The following SLC12A7 variants were observed in gnomAD, a reference collection of about 807,000 sequenced individuals.
The protein encoded by SLC12A7 is solute carrier family 12 member 7.
A neutral mutation model predicts 120.6 loss-of-function variants in SLC12A7; 100 were observed. That is an observed-to-expected ratio of 0.83 (90% CI 0.71 to 0.98). SLC12A7 has a LOEUF of 0.98. Among genes scored for constraint, SLC12A7 ranks in the 50% least tolerant of loss-of-function variants. SLC12A7 has a pLI of 0.00. For missense variants in SLC12A7, 1,373 were observed against 1,548.1 expected, an observed-to-expected ratio of 0.89 and a Z score of 1.90; for synonymous variants, 760 against 678.0, an observed-to-expected ratio of 1.12 and a Z score of -1.88.
chr5:1,085,762 C>T (rs1040255256), intron 6 of SLC12A7, among the ~76,000 whole-genome samples: 2 of 152,178 alleles, frequency 1.3e-5, no homozygotes, highest in African/African-American at 4.8e-5. Context: ...GGGGCCTGAA[C>T]GTTTCCCAGG....
chr5:1,105,353 AG>A (rs1484125440), intron 1 of SLC12A7, among the ~76,000 whole-genome samples: 6 of 148,052 alleles, frequency 4.1e-5, no homozygotes, highest in African/African-American at 1.0e-4. Flanking sequence ...CACCAGCCAA[AG>A]GGGACCCTCC....
rs563487524 is a variant in SLC12A7 at position 1,067,065 on chromosome 5, A to G, written c.2242-1587T>C. Among the ~76,000 whole-genome samples, 3 of 151,852 alleles carry G rather than the reference A, an allele frequency of 2.0e-5. No individual in the cohort carries two copies. The South Asian group carries it at 6.3e-4, about 32-fold the overall frequency. On this transcript the variant is annotated intron_variant, in intron 17 of 23. Coordinates refer to ENST00000264930, the MANE Select transcript of SLC12A7 (RefSeq NM_006598.3). ...GAGCTCCACCAGCCCTTCACACACAAAACAACATCCAATGTTCTCCCACGG... is the reference window on the plus strand; with the variant it reads ...GAGCTCCACCAGCCCTTCACACACAGAACAACATCCAATGTTCTCCCACGG...
chr5:1,134,660 A>C, the SLC12A7 span, among the ~76,000 whole-genome samples: 1 of 152,114 alleles, frequency 6.6e-6, no homozygotes, highest in Non-Finnish European at 1.5e-5. Context: ...CAGCAATTTC[A>C]CTTCTGCACG....
At chr5:1,145,472 G>A in the SLC12A7 span, among the ~76,000 whole-genome samples, 5 of 152,352 alleles carry the variant, frequency 3.3e-5, no homozygotes, top group South Asian at 6.2e-4. This position sits in a 1 kb window ranked among gnomAD's most constrained non-coding sequence, Gnocchi z 4.4. Context: ...GCTGCCTAGC[G>A]GCCAGGCTTG....
intron 1 of SLC12A7, among the ~76,000 whole-genome samples, chr5:1,106,603 G>C (rs1045430423): frequency 6.6e-6 from 1 of 152,212 alleles, no homozygotes; most frequent in Non-Finnish European, 1.5e-5. Flanking sequence ...GTCACCCTGG[G>C]CTGACCTCCA....
chr5:1,086,930 A>G lies in SLC12A7; in HGVS notation c.648T>C (p.Tyr216=). ...YLGTTFAGAM[Y]ILGTIEIFLT... is the part of the protein sequence containing the mutation. Reference sequence around the variant, plus strand: ...GAAAAATCTCGATGGTCCCCAAAATATACATGGCCCCTGCAAACGTCGTGC... The same window carrying G: ...GAAAAATCTCGATGGTCCCCAAAATGTACATGGCCCCTGCAAACGTCGTGC... The change falls in exon 6 of 24, where the codon TAT becomes TAC. Residue 216 remains tyrosine, a synonymous_variant. Transcript: ENST00000264930. The G allele has an allele frequency of 3.1e-6, 5 of 1,612,892 alleles. No homozygotes were observed. Among genetic ancestry groups the G allele is most frequent in the Non-Finnish European group, 4.2e-6 (5 of 1,179,994 alleles).
intron 17 of SLC12A7, among the ~76,000 whole-genome samples, chr5:1,073,284 G>GCATCACACTTAT (rs1737898975): frequency 4.5e-5 from 5 of 111,762 alleles, no homozygotes; most frequent in Non-Finnish European, 6.7e-5. Context: ...CCAGCACACG[G>GCATCACACTTAT]GCATCACACT....
At chr5:1,140,695 G>A in the SLC12A7 span, among the ~76,000 whole-genome samples, 10 of 152,266 alleles carry the variant, frequency 6.6e-5, no homozygotes, top group African/African-American at 2.2e-4. Context: ...ACCAGGCAAC[G>A]AGAGGCGCAA....
At chr5:1,084,871 G>A (rs374431490) in intron 7 of SLC12A7, among the ~76,000 whole-genome samples, 3 of 152,056 alleles carry the variant, frequency 2.0e-5, no homozygotes, top group African/African-American at 7.2e-5. Flanking sequence ...AAGCACCTCT[G>A]GGAGGGAGAA....
chr5:1,052,576 G>A (rs977395279), intron 23 of SLC12A7, 125 bp from the exon 24 acceptor site: 2 of 774,644 alleles, frequency 2.6e-6, no homozygotes, highest in South Asian at 1.6e-5. Context: ...CCAGAGCCAA[G>A]GTGAAAAGAG....
At position 1,086,939 on chromosome 5, in the gene SLC12A7, C is replaced by A; in HGVS notation, c.639G>T (p.Gly213=). Residue 213 remains glycine, a synonymous_variant, in exon 6 of 24, where the codon GGG becomes GGT. Transcript: ENST00000264930. The part of the protein sequence containing the change: ...LCFYLGTTFA[G]AMYILGTIEI... Reference sequence around the variant, plus strand: ...CGATGGTCCCCAAAATATACATGGCCCCTGCAAACGTCGTGCCCAGGTAGA... The same window carrying A: ...CGATGGTCCCCAAAATATACATGGCACCTGCAAACGTCGTGCCCAGGTAGA... 3 of 1,612,888 alleles carry A rather than the reference C, an allele frequency of 1.9e-6. No homozygotes were observed. The South Asian group carries it at 3.3e-5, about 18-fold the overall frequency.
At chr5:1,129,868 G>A in the SLC12A7 span, among the ~76,000 whole-genome samples, 5 of 152,146 alleles carry the variant, frequency 3.3e-5, no homozygotes, top group African/African-American at 7.2e-5. Context: ...CCCTGCTGCC[G>A]TCAGAGCTGG....
At chr5:1,131,751 C>T in the SLC12A7 span, among the ~76,000 whole-genome samples, 1 of 152,334 alleles carries the variant, frequency 6.6e-6, no homozygotes, top group South Asian at 2.1e-4. Context: ...CCCAGATCCT[C>T]GTCCAGGACA....
the SLC12A7 span, among the ~76,000 whole-genome samples, chr5:1,139,076 G>GC: frequency 2.7e-5 from 4 of 147,454 alleles, no homozygotes; most frequent in East Asian, 7.9e-4. Context: ...GTGGGGGGGG[G>GC]GCTCTGGGCG....
chr5:1,097,539 C>T (rs80080532), intron 1 of SLC12A7, among the ~76,000 whole-genome samples: 4 of 152,218 alleles, frequency 2.6e-5, no homozygotes, highest in Non-Finnish European at 4.4e-5. Context: ...GGGTCACACC[C>T]GAGATCCCTG....
intron 16 of SLC12A7, among the ~76,000 whole-genome samples, chr5:1,074,141 GAC>G (rs1165823927): frequency 3.3e-5 from 5 of 152,074 alleles, no homozygotes; most frequent in African/African-American, 7.2e-5. Flanking sequence ...AATGGCCCAG[GAC>G]ACACACCTGA....
At chr5:1,119,119 G>C in the SLC12A7 span, among the ~76,000 whole-genome samples, 1 of 152,356 alleles carries the variant, frequency 6.6e-6, no homozygotes, top group African/African-American at 2.4e-5. Context: ...AGCCGACACA[G>C]GCAGGGGCCA....
the SLC12A7 span, among the ~76,000 whole-genome samples, chr5:1,136,040 C>T: frequency 1.3e-5 from 2 of 152,122 alleles, no homozygotes; most frequent in African/African-American, 2.4e-5. Context: ...TGCACATTGC[C>T]CCTTGATTCA....
At position 1,076,237 on chromosome 5, in the gene SLC12A7, C is replaced by T; in HGVS notation, c.1749-1G>A. ...GAACAGGTAGCACATGAGGAAGAAC[C>T]TGCAGGGACGGCCGGCCACTGATAC... On this transcript the variant is annotated splice_acceptor_variant, in intron 13 of 23. Coordinates refer to ENST00000264930, the MANE Select transcript of SLC12A7 (RefSeq NM_006598.3). LOFTEE classifies it high-confidence loss of function. 1 of 1,606,450 alleles carries T rather than the reference C, an allele frequency of 6.2e-7. No individual in the cohort carries two copies. The highest frequency in any genetic ancestry group is 8.5e-7 in the Non-Finnish European group (1 of 1,177,196).
Sources: allele counts gnomAD v4.1 joint callset (sites outside exome capture counted in the v4.1 genomes callset), GRCh38; gene constraint gnomAD v4.1.1; non-coding constraint Gnocchi (gnomAD v3.1); transcripts MANE v1.5; gene names NCBI Gene and HGNC (gene_info 2026-07-23, HGNC 2026-07-21).